Variants in ZKSCAN1 observed in about 807,000 individuals in gnomAD.
The protein encoded by ZKSCAN1 is zinc finger protein with KRAB and SCAN domains 1.
In ZKSCAN1, 14 loss-of-function variants were observed where a neutral mutation model predicts 51.6. The observed-to-expected ratio is 0.27, with a 90% CI of 0.18 to 0.42. ZKSCAN1 has a LOEUF of 0.42. Among genes scored for constraint, ZKSCAN1 ranks in the 10% least tolerant of loss-of-function variants. The probability of loss-of-function intolerance (pLI) is 1.00; values close to 1 mark genes in which losing one functional copy is unlikely to be tolerated. For synonymous variants in ZKSCAN1, 263 were observed against 261.5 expected, an observed-to-expected ratio of 1.01 and a Z score of -0.06; for missense variants, 531 against 710.0, an observed-to-expected ratio of 0.75 and a Z score of 2.86.
chr7:100,025,318 CAAAA>C (rs35796352), intron 3 of ZKSCAN1, among the ~76,000 whole-genome samples: 2 of 103,884 alleles, frequency 1.9e-5, no homozygotes. Flanking sequence ...AGTCTGTTTC[CAAAA>C]AAAAAAAAAA....
chr7:100,016,983 AG>A (rs1287910656), intron 1 of ZKSCAN1: 1 of 152,202 alleles, frequency 6.6e-6, no homozygotes, highest in East Asian at 1.9e-4. Context: ...TATTTCAGGC[AG>A]TTTTCACCAC....
intron 3 of ZKSCAN1, 159 bp downstream of exon 3, chr7:100,024,466 C>T: frequency 1.1e-6 from 1 of 909,614 alleles, no homozygotes; most frequent in Non-Finnish European, 1.6e-6. Context: ...TAGTGGCGCA[C>T]ACCTGTGATT....
chr7:100,017,316 G>A (rs1256093937), intron 1 of ZKSCAN1, among the ~76,000 whole-genome samples: 1 of 151,944 alleles, frequency 6.6e-6, no homozygotes, highest in Non-Finnish European at 1.5e-5. Context: ...TCTGCCTCCC[G>A]AGTTCAAGCG....
intron 5 of ZKSCAN1, among the ~76,000 whole-genome samples, chr7:100,032,262 A>G (rs1396893879): frequency 6.6e-6 from 1 of 152,206 alleles, no homozygotes; most frequent in African/African-American, 2.4e-5. Flanking sequence ...TGATGTTTTA[A>G]ATGTATACAT....
Position 100,036,117 on chromosome 7 carries a change from G to A in ZKSCAN1, c.*1920G>A, listed in dbSNP as rs1252196010. 7 of 985,244 alleles carry A rather than the reference G, an allele frequency of 7.1e-6. No homozygotes were observed. In the East Asian group the frequency reaches 4.5e-4, roughly 64 times the overall value. The allele number at this position is 985,244 out of a possible 1,614,324, so 61.0% of individuals were successfully genotyped here. A position where few individuals can be genotyped will look rare whatever the true frequency, so the allele number is the denominator to read the frequency against. On this transcript the variant is annotated 3_prime_UTR_variant, in exon 6 of 6. Transcript: ENST00000324306. ...GTTTTATATGGAACCAACGAAGTGGGAGCTAAAACTGCACAGTGGTCATTC... is the reference window on the plus strand; with the variant it reads ...GTTTTATATGGAACCAACGAAGTGGAAGCTAAAACTGCACAGTGGTCATTC...
chr7:100,041,398 G>A lies in ZKSCAN1; in HGVS notation c.*7201G>A. On this transcript the variant is annotated 3_prime_UTR_variant, in exon 6 of 6. Transcript: ENST00000324306. ...GAAAGACTTCTTTCAATAAATAATG[G>A]AATCTTAGAGGAAAAGTGGTTTTTT... The A allele has an allele frequency of 2.0e-6, 2 of 985,144 alleles. No homozygotes were observed. The highest frequency in any genetic ancestry group is 2.4e-6 in the Non-Finnish European group (2 of 829,816). 61.0% of individuals were successfully genotyped at this position (985,144 alleles called of 1,614,324 possible).
At position 100,041,395 on chromosome 7, in the gene ZKSCAN1, A is replaced by G. The variant is rs933444003; in HGVS notation, c.*7198A>G. 1.0e-6 allele frequency: 1 copy of G among 985,320 alleles called. No homozygotes were observed. Among genetic ancestry groups the G allele is most frequent in the Non-Finnish European group, 1.2e-6 (1 of 829,808 alleles). 61.0% of individuals were successfully genotyped at this position (985,320 alleles called of 1,614,324 possible). A position where few individuals can be genotyped will look rare whatever the true frequency, so the allele number is the denominator to read the frequency against. ...CTAGAAAGACTTCTTTCAATAAATA[A>G]TGGAATCTTAGAGGAAAAGTGGTTT... On this transcript the variant is annotated 3_prime_UTR_variant, in exon 6 of 6. Coordinates refer to ENST00000324306, the MANE Select transcript of ZKSCAN1 (RefSeq NM_003439.4).
In ZKSCAN1 at chr7:100,033,145, C is replaced by T. The variant is rs1791184720; in HGVS notation, c.800-160C>T. ...TGAGATCACGTCACTGCACTCCAGC[C>T]TGGGCGACAGAGCGAGACTCTGTCT... On this transcript the variant is annotated intron_variant, in intron 5 of 5. Coordinates refer to ENST00000324306, the MANE Select transcript of ZKSCAN1 (RefSeq NM_003439.4). This position sits in a 1 kb window ranked among gnomAD's most constrained non-coding sequence, Gnocchi z 4.1. Among the ~76,000 whole-genome samples, 1 of 152,150 alleles carries T rather than the reference C, an allele frequency of 6.6e-6. No individual in the cohort carries two copies. The highest frequency in any genetic ancestry group is 2.1e-4 in the South Asian group (1 of 4,826).
At position 100,034,659 on chromosome 7, in the gene ZKSCAN1, A is replaced by G. The variant is rs1318421216; in HGVS notation, c.*462A>G. On this transcript the variant is annotated 3_prime_UTR_variant, in exon 6 of 6. Coordinates refer to ENST00000324306, the MANE Select transcript of ZKSCAN1 (RefSeq NM_003439.4). ...CAAAAAAGAGGGACAGTGAAAACAA[A>G]AACGACATTGGGACATGCTGCTCAA... 2 of 670,526 alleles carry G rather than the reference A, an allele frequency of 3.0e-6. No individual in the cohort carries two copies. Among genetic ancestry groups the G allele is most frequent in the African/African-American group, 2.0e-5 (1 of 50,912 alleles). The allele number at this position is 670,526 out of a possible 1,614,324, so 41.5% of individuals were successfully genotyped here.
chr7:100,028,517 A>G (rs377119687), intron 3 of ZKSCAN1, among the ~76,000 whole-genome samples: 34 of 152,276 alleles, frequency 2.2e-4, no homozygotes, highest in African/African-American at 2.9e-4. Flanking sequence ...TTATTGTTGT[A>G]TAAAGGTTTG....
At position 100,036,833 on chromosome 7, in the gene ZKSCAN1, G is replaced by GC. The variant is rs1554354057; in HGVS notation, c.*2636_*2637insC. The GC allele has an allele frequency of 1.3e-6, 1 of 747,236 alleles. No individual in the cohort carries two copies. Among genetic ancestry groups the GC allele is most frequent in the East Asian group, 1.4e-4 (1 of 7,292 alleles). 46.3% of individuals were successfully genotyped at this position (747,236 alleles called of 1,614,324 possible). On this transcript the variant is annotated 3_prime_UTR_variant, in exon 6 of 6. Transcript: ENST00000324306. ...TTGGTCATGTTTACATTGGCCTTTGGTTTTTTTTTTTCTTTCAGCCACAAC... is the reference window on the plus strand; with the variant it reads ...TTGGTCATGTTTACATTGGCCTTTGGCTTTTTTTTTTTCTTTCAGCCACAAC...
chr7:100,028,412 A>G (rs1015538), intron 3 of ZKSCAN1, among the ~76,000 whole-genome samples: 108,050 of 151,886 alleles, frequency 0.71, 38,757 homozygotes, highest in African/African-American at 0.79. Context: ...ATTTGGGGAG[A>G]CCAAGGTGGG....
Position 100,031,262 on chromosome 7 carries a change from T to C in ZKSCAN1, c.799+887T>C, listed in dbSNP as rs145387704. Among the ~76,000 whole-genome samples the C allele has an allele frequency of 1.3e-3, 193 of 149,962 alleles. 1 individual carries two copies. Among genetic ancestry groups the C allele is most frequent in the African/African-American group, 4.4e-3 (179 of 41,050 alleles). On this transcript the variant is annotated intron_variant, in intron 5 of 5. Coordinates refer to ENST00000324306, the MANE Select transcript of ZKSCAN1 (RefSeq NM_003439.4). ...ATAATTTCTCTTGGTACTTGCTCTTTGTACTAGATGATTTTTTTTTTTTTT... is the reference window on the plus strand; with the variant it reads ...ATAATTTCTCTTGGTACTTGCTCTTCGTACTAGATGATTTTTTTTTTTTTT...
chr7:100,028,150 C>T (rs1218821685), intron 3 of ZKSCAN1, among the ~76,000 whole-genome samples: 1 of 151,886 alleles, frequency 6.6e-6, no homozygotes, highest in African/African-American at 2.4e-5. Context: ...GTCAAGAGAT[C>T]GAGATCATCC....
intron 1 of ZKSCAN1, among the ~76,000 whole-genome samples, chr7:100,020,955 T>C (rs1018594882): frequency 1.3e-5 from 2 of 152,150 alleles, no homozygotes; most frequent in Non-Finnish European, 2.9e-5. Context: ...CTATCAACCA[T>C]GCTGAATTTT....
Position 100,033,408 on chromosome 7 carries a change from T to G in ZKSCAN1, c.903T>G (p.Phe301Leu). 1 of 1,613,730 alleles carries G rather than the reference T, an allele frequency of 6.2e-7. No individual in the cohort carries two copies. Among genetic ancestry groups the G allele is most frequent in the Non-Finnish European group, 8.5e-7 (1 of 1,179,946 alleles). ...GETTGRSQKEFGEKRDQEGKT... is the reference protein window; with the variant it reads ...GETTGRSQKELGEKRDQEGKT... ...CAACAGGAAGATCCCAGAAAGAGTT[T>G]GGAGAGAAACGTGACCAGGAGGGCA... The change falls in exon 6 of 6, where the codon TTT becomes TTG. Residue 301 changes from phenylalanine to leucine, a missense_variant. By Grantham distance (22) the Phe-to-Leu change is conservative (BLOSUM62 0). Around this residue, in one of 2 missense-constraint regions of ZKSCAN1, gnomAD observed 403 missense variants for 490.5 expected, o/e 0.82. Coordinates refer to ENST00000324306, the MANE Select transcript of ZKSCAN1 (RefSeq NM_003439.4). The surrounding 1 kb of genome is among the most constrained non-coding windows in gnomAD (Gnocchi z 4.1).
Position 100,037,694 on chromosome 7 carries a change from C to G in ZKSCAN1, c.*3497C>G, listed in dbSNP as rs960842602. ...ATGAATTCCGTCGGTATGTTCCAAT[C>G]GTGATGAATTTGAGAAACATTGCAA... On this transcript the variant is annotated 3_prime_UTR_variant, in exon 6 of 6. Transcript: ENST00000324306. The G allele has an allele frequency of 1.0e-6, 1 of 985,314 alleles. No homozygotes were observed. The highest frequency in any genetic ancestry group is 1.1e-4 in the East Asian group (1 of 8,836). 61.0% of individuals were successfully genotyped at this position (985,314 alleles called of 1,614,324 possible).
In ZKSCAN1 at chr7:100,030,366, T is replaced by C. The variant is rs1003397734; in HGVS notation, c.790T>C (p.Phe264Leu). The C allele has an allele frequency of 1.1e-5, 18 of 1,613,612 alleles. No individual in the cohort carries two copies. The highest frequency in any genetic ancestry group is 1.7e-5 in the Admixed American group (1 of 59,866). ...CAGGCAGGAGAATTATGGGAGCGCATTTCCCCAGGGTAAGACGGATGCAGG... is the reference window on the plus strand; with the variant it reads ...CAGGCAGGAGAATTATGGGAGCGCACTTCCCCAGGGTAAGACGGATGCAGG... ...DNRQENYGSA[F>L]PQGGENRNEN... The change falls in exon 5 of 6, where the codon TTT becomes CTT. Residue 264 changes from phenylalanine to leucine, a missense_variant. Coordinates refer to ENST00000324306, the MANE Select transcript of ZKSCAN1 (RefSeq NM_003439.4).
chr7:100,040,748 C>A lies in ZKSCAN1; in HGVS notation c.*6551C>A. Reference sequence around the variant, plus strand: ...GCCGAGGAAAGGCTGTTGGGGTGTGCTGGGGTTGGTACCCGAGCGCCTTCC... The same window carrying A: ...GCCGAGGAAAGGCTGTTGGGGTGTGATGGGGTTGGTACCCGAGCGCCTTCC... On this transcript the variant is annotated 3_prime_UTR_variant, in exon 6 of 6. Transcript: ENST00000324306. 2.0e-6 allele frequency: 2 copies of A among 985,452 alleles called. No homozygotes were observed. The highest frequency in any genetic ancestry group is 2.4e-6 in the Non-Finnish European group (2 of 829,968). The allele number at this position is 985,452 out of a possible 1,614,324, so 61.0% of individuals were successfully genotyped here.
Sources: allele counts gnomAD v4.1 joint callset (sites outside exome capture counted in the v4.1 genomes callset), GRCh38; gene constraint gnomAD v4.1.1; regional missense constraint gnomAD v4.1.1; non-coding constraint Gnocchi (gnomAD v3.1); transcripts MANE v1.5; gene names NCBI Gene and HGNC (gene_info 2026-07-23, HGNC 2026-07-21).